ARID5B: variants seen among roughly 807,000 people sequenced by gnomAD.
The protein encoded by ARID5B is AT-rich interaction domain 5B, also known as AT-rich interactive domain-containing protein 5B.
In ARID5B, 13 loss-of-function variants were observed where a neutral mutation model predicts 97.2. That is an observed-to-expected ratio of 0.13 (90% confidence interval 0.09 to 0.21). The LOEUF is 0.21. Ranked by LOEUF, ARID5B falls within the 10% of genes least tolerant of loss-of-function variation. ARID5B has a pLI of 1.00. For missense variants in ARID5B, 1,210 were observed against 1,465.3 expected (o/e 0.83, Z 2.84); for synonymous variants, 556 against 570.3 (o/e 0.97, Z 0.36).
chr10:61,966,609 G>A (rs184748409), intron 3 of ARID5B, among the ~76,000 whole-genome samples: 217 of 151,722 alleles, frequency 1.4e-3, no homozygotes, highest in African/African-American at 4.6e-3. Context: ...ACATTTTCCC[G>A]TTGAGACTAG....
At position 62,066,523 on chromosome 10, in the gene ARID5B, G is replaced by A. The variant is rs146051510; in HGVS notation, c.1102-3177G>A. Among the ~76,000 whole-genome samples the A allele has an allele frequency of 3.3e-3, 504 of 152,248 alleles. 3 individuals carry two copies. The highest frequency in any genetic ancestry group is 0.012 in the African/African-American group (482 of 41,558). Reference sequence around the variant, plus strand: ...GTCTTCACTCCAGATGATCCTCACTGGTAAAAACTGTATTTAAACACCAGA... The same window carrying A: ...GTCTTCACTCCAGATGATCCTCACTAGTAAAAACTGTATTTAAACACCAGA... On this transcript the variant is annotated intron_variant, in intron 7 of 9. Transcript: ENST00000279873.
At chr10:61,910,430 A>T (rs1366259802) in intron 2 of ARID5B, among the ~76,000 whole-genome samples, 1 of 152,238 alleles carries the variant, frequency 6.6e-6, no homozygotes, top group South Asian at 2.1e-4. Context: ...TTGGCTTTTA[A>T]GGAAATTTAA....
chr10:61,948,533 A>T (rs1043517678), intron 3 of ARID5B, among the ~76,000 whole-genome samples: 1 of 151,648 alleles, frequency 6.6e-6, no homozygotes, highest in African/African-American at 2.4e-5. Context: ...CATCCGGCTA[A>T]TTTTTTTGTA....
At chr10:62,079,070 C>T (rs1438198286) in intron 8 of ARID5B, among the ~76,000 whole-genome samples, 1 of 152,202 alleles carries the variant, frequency 6.6e-6, no homozygotes, top group Admixed American at 6.5e-5. Flanking sequence ...AGGCCTGTTG[C>T]CTCTGAGAAA....
intron 4 of ARID5B, among the ~76,000 whole-genome samples, chr10:62,023,826 T>C (rs970751669): frequency 1.3e-5 from 2 of 152,254 alleles, no homozygotes; most frequent in African/African-American, 2.4e-5. Context: ...CCCTGAACTG[T>C]GCCCTAGGCA....
intron 7 of ARID5B, among the ~76,000 whole-genome samples, chr10:62,062,273 G>A (rs1483285781): frequency 3.9e-5 from 6 of 152,158 alleles, no homozygotes; most frequent in African/African-American, 1.4e-4. Flanking sequence ...GTGTAGACTT[G>A]TAGTCATTTA....
chr10:62,096,540 C>G lies in ARID5B; in HGVS notation c.*3510C>G. 4.3e-6 allele frequency: 1 copy of G among 233,448 alleles called. No homozygotes were observed. Among genetic ancestry groups the G allele is most frequent in the East Asian group, 6.0e-5 (1 of 16,558 alleles). The allele number at this position is 233,448 out of a possible 1,614,324, so 14.5% of individuals were successfully genotyped here. A position where few individuals can be genotyped will look rare whatever the true frequency, so the allele number is the denominator to read the frequency against. On this transcript the variant is annotated 3_prime_UTR_variant, in exon 10 of 10. Transcript: ENST00000279873. ...AGTGTATTTGATATTCTGCCTGTCTCCTCATGGTTGAAATATGTCTGAAGA... is the reference window on the plus strand; with the variant it reads ...AGTGTATTTGATATTCTGCCTGTCTGCTCATGGTTGAAATATGTCTGAAGA...
rs548036665 is a variant in ARID5B, at chr10:62,095,782, C to T, written c.*2752C>T. 1 of 231,180 alleles carries T rather than the reference C, an allele frequency of 4.3e-6. No individual in the cohort carries two copies. The highest frequency in any genetic ancestry group is 2.2e-5 in the African/African-American group (1 of 45,186). 14.3% of individuals were successfully genotyped at this position (231,180 alleles called of 1,614,324 possible). On this transcript the variant is annotated 3_prime_UTR_variant, in exon 10 of 10. Coordinates refer to ENST00000279873, the MANE Select transcript of ARID5B (RefSeq NM_032199.3). ...GTTTGCATTGTTTGAGTTCAAGGGG[C>T]CTTATTATTGAATGGAATTGCACAA...
intron 3 of ARID5B, among the ~76,000 whole-genome samples, chr10:61,995,883 G>A (rs1312677606): frequency 1.3e-5 from 2 of 152,176 alleles, no homozygotes; most frequent in African/African-American, 2.4e-5. Flanking sequence ...CTCTGGGGAT[G>A]TCTAATTGCA....
chr10:62,068,601 T>C (rs1045319004), intron 7 of ARID5B, among the ~76,000 whole-genome samples: 3 of 152,052 alleles, frequency 2.0e-5, no homozygotes, highest in African/African-American at 7.3e-5. Context: ...CTCGTGGGTA[T>C]TTTTCAAAAG....
At chr10:61,992,173 GTC>G (rs761780076) in intron 3 of ARID5B, among the ~76,000 whole-genome samples, 2 of 152,162 alleles carry the variant, frequency 1.3e-5, no homozygotes, top group Non-Finnish European at 2.9e-5. Flanking sequence ...TGGCCATGAA[GTC>G]TCACCTGTTG....
chr10:61,908,626 C>G (rs976257231), intron 2 of ARID5B, among the ~76,000 whole-genome samples: 1 of 151,748 alleles, frequency 6.6e-6, no homozygotes, highest in African/African-American at 2.4e-5. Flanking sequence ...GGTGAAACCC[C>G]GTCTCTACTA....
chr10:61,978,000 A>T (rs890181657), intron 3 of ARID5B, among the ~76,000 whole-genome samples: 3 of 152,196 alleles, frequency 2.0e-5, no homozygotes, highest in African/African-American at 7.2e-5. Flanking sequence ...TAGGTCTAAC[A>T]TGTAAGTCTT....
chr10:61,919,771 C>A (rs1232774564), intron 2 of ARID5B, among the ~76,000 whole-genome samples: 1 of 152,078 alleles, frequency 6.6e-6, no homozygotes, highest in Non-Finnish European at 1.5e-5. Flanking sequence ...TTTTTAGCAA[C>A]AATGCATTGG....
chr10:62,081,740 T>A (rs1481502194), intron 8 of ARID5B, among the ~76,000 whole-genome samples: 1 of 152,240 alleles, frequency 6.6e-6, no homozygotes, highest in Non-Finnish European at 1.5e-5. Flanking sequence ...GTTGCCAGAT[T>A]ACTTACATTA....
intron 3 of ARID5B, among the ~76,000 whole-genome samples, chr10:61,982,114 G>A (rs1203363955): frequency 6.6e-6 from 1 of 152,232 alleles, no homozygotes; most frequent in Non-Finnish European, 1.5e-5. Flanking sequence ...TAGAGTTGGA[G>A]ACTTGGGGTT....
chr10:62,087,320 GA>G (rs1589292422), intron 9 of ARID5B, among the ~76,000 whole-genome samples: 1 of 76,026 alleles, frequency 1.3e-5, no homozygotes, highest in Admixed American at 1.4e-4. Flanking sequence ...AAAAAAAAAG[GA>G]AAAAAGATCT....
Position 62,093,186 on chromosome 10 carries a change from C to A in ARID5B, c.*156C>A. On this transcript the variant is annotated 3_prime_UTR_variant, in exon 10 of 10. Transcript: ENST00000279873. ...GGGCCCAGAGGGGAGGTGAACATGC[C>A]TGATTTTTGTGGGACAACTCTAGCC... The A allele has an allele frequency of 8.5e-7, 1 of 1,179,842 alleles. No individual in the cohort carries two copies. Among genetic ancestry groups the A allele is most frequent in the Non-Finnish European group, 1.2e-6 (1 of 868,214 alleles). 73.1% of individuals were successfully genotyped at this position (1,179,842 alleles called of 1,614,324 possible).
chr10:61,925,750 C>T (rs913705965), intron 2 of ARID5B, among the ~76,000 whole-genome samples: 3 of 152,002 alleles, frequency 2.0e-5, no homozygotes, highest in East Asian at 1.9e-4. Context: ...AGGCTGCAGC[C>T]GACCAGGTTT....
Sources: allele counts gnomAD v4.1 joint callset (sites outside exome capture counted in the v4.1 genomes callset), GRCh38; gene constraint gnomAD v4.1.1; transcripts MANE v1.5; gene names NCBI Gene and HGNC (gene_info 2026-07-23, HGNC 2026-07-21).